The following DACH1 variants were observed in gnomAD, a reference collection of about 807,000 sequenced individuals.
The protein encoded by DACH1 is dachshund homolog 1.
DACH1 carries 12 observed loss-of-function variants against 54.2 expected under a neutral mutation model. The observed-to-expected ratio is 0.22, with a 90% confidence interval of 0.14 to 0.36. DACH1 has a LOEUF of 0.36. Ranked by LOEUF, DACH1 falls within the 10% of genes least tolerant of loss-of-function variation. The pLI, the probability that DACH1 is intolerant of heterozygous loss-of-function variation, is 1.00. For synonymous variants in DACH1, 386 were observed against 366.2 expected (o/e 1.05, Z -0.62); for missense variants, 805 against 929.8 (o/e 0.87, Z 1.75).
intron 2 of DACH1, among the ~76,000 whole-genome samples, chr13:71,671,675 A>C: frequency 6.6e-6 from 1 of 152,110 alleles, no homozygotes; most frequent in Admixed American, 6.5e-5. Flanking sequence ...AGGGAGAATA[A>C]GTTTTCAAAA....
intron 1 of DACH1, among the ~76,000 whole-genome samples, chr13:71,814,520 T>G (rs1349115298): frequency 6.6e-6 from 1 of 152,186 alleles, no homozygotes; most frequent in Non-Finnish European, 1.5e-5. Context: ...CCAAACAAGT[T>G]GCAGATAATT....
intron 1 of DACH1, among the ~76,000 whole-genome samples, chr13:71,756,012 G>A (rs1414191646): frequency 6.6e-6 from 1 of 151,840 alleles, no homozygotes; most frequent in Non-Finnish European, 1.5e-5. Context: ...AGACTAAAAT[G>A]CGTAAACTAA....
At chr13:71,519,043 T>C (rs1881372512) in intron 6 of DACH1, among the ~76,000 whole-genome samples, 1 of 151,738 alleles carries the variant, frequency 6.6e-6, no homozygotes, top group African/African-American at 2.4e-5. Flanking sequence ...GAGAGTCGAG[T>C]AGTTGAGTAG....
At chr13:71,573,948 T>G (rs1885378755) in intron 3 of DACH1, among the ~76,000 whole-genome samples, 1 of 152,176 alleles carries the variant, frequency 6.6e-6, no homozygotes, top group Admixed American at 6.5e-5. Context: ...TGAAATGACA[T>G]CCTAGCCATC....
intron 1 of DACH1, among the ~76,000 whole-genome samples, chr13:71,824,649 A>G (rs1302324884): frequency 6.6e-6 from 1 of 151,920 alleles, no homozygotes; most frequent in Non-Finnish European, 1.5e-5. Flanking sequence ...TCTCCACATC[A>G]TTTCTTCTGC....
chr13:71,866,090 T>G lies in DACH1; in HGVS notation c.680A>C (p.His227Pro), dbSNP rs781519532. Reference protein sequence around the residue: ...LFLKHLVGGLHTVYTKLKRLE... With the variant: ...LFLKHLVGGLPTVYTKLKRLE... ...CCGCTTCAGCTTGGTGTAGACCGTA[T>G]GCAAGCCCCCCACCAAGTGCTTCAG... The change falls in exon 1 of 11, where the codon CAT (histidine) becomes CCT (proline). Residue 227 changes from histidine to proline, a missense_variant. Physicochemically the swap from His to Pro is moderately conservative, Grantham distance 77 (BLOSUM62 -2). Transcript: ENST00000613252. The G allele has an allele frequency of 6.2e-7, 1 of 1,613,624 alleles. No individual in the cohort carries two copies. The highest frequency in any genetic ancestry group is 1.7e-5 in the Admixed American group (1 of 59,980).
At chr13:71,734,224 G>A (rs1393927055) in intron 1 of DACH1, among the ~76,000 whole-genome samples, 47 of 39,020 alleles carry the variant, frequency 1.2e-3, no homozygotes, top group African/African-American at 3.4e-3. Context: ...TCCCATATAC[G>A]TATACCCCAT....
At chr13:71,566,844 A>T (rs1376951183) in intron 4 of DACH1, among the ~76,000 whole-genome samples, 2 of 152,108 alleles carry the variant, frequency 1.3e-5, no homozygotes, top group Non-Finnish European at 2.9e-5. Context: ...TATGTCTAAA[A>T]GCTCTGCATA....
rs546827137 is a variant in DACH1 at position 71,685,644 on chromosome 13, T to C, written c.849-3734A>G. Reference sequence around the variant, plus strand: ...ATATTTTATCCTTATGCAATCCTGGTCATTAACTCCTAGGGGATTTGAATA... The same window carrying C: ...ATATTTTATCCTTATGCAATCCTGGCCATTAACTCCTAGGGGATTTGAATA... On this transcript the variant is annotated intron_variant, in intron 1 of 10. Transcript: ENST00000613252. Among the ~76,000 whole-genome samples, 8 of 152,330 alleles carry C rather than the reference T, an allele frequency of 5.3e-5. No individual in the cohort carries two copies. In the South Asian group the frequency reaches 1.0e-3, roughly 20 times the overall value.
At chr13:71,762,723 C>A (rs1024713817) in intron 1 of DACH1, among the ~76,000 whole-genome samples, 1 of 132,476 alleles carries the variant, frequency 7.5e-6, no homozygotes, top group African/African-American at 2.8e-5. Flanking sequence ...GCTGAGATTG[C>A]GCTGTTGCAC....
At chr13:71,799,749 C>T (rs1219499059) in intron 1 of DACH1, among the ~76,000 whole-genome samples, 2 of 151,984 alleles carry the variant, frequency 1.3e-5, no homozygotes, top group Admixed American at 6.6e-5. Flanking sequence ...CAAATGCATG[C>T]TTATGGCATA....
At chr13:71,480,081 C>A (rs1296759107) in intron 7 of DACH1, among the ~76,000 whole-genome samples, 2 of 152,132 alleles carry the variant, frequency 1.3e-5, no homozygotes, top group Non-Finnish European at 2.9e-5. Flanking sequence ...AAAATGTAAG[C>A]TCTCTGGGGC....
rs199950238 is a variant in DACH1 at position 71,524,305 on chromosome 13, A to AT, written c.1570+32718dup. ...TGATTGCTACATTATCATGTCAACA[A>AT]TTTTTTCTAGAGGAATTTGAGATAA... On this transcript the variant is annotated intron_variant, in intron 6 of 10. Transcript: ENST00000613252. Among the ~76,000 whole-genome samples, 416 of 152,266 alleles carry AT rather than the reference A, an allele frequency of 2.7e-3. 2 individuals are homozygous for AT. The highest frequency in any genetic ancestry group is 9.3e-3 in the African/African-American group (388 of 41,570).
At chr13:71,745,132 G>A (rs971479486) in intron 1 of DACH1, among the ~76,000 whole-genome samples, 2 of 152,066 alleles carry the variant, frequency 1.3e-5, no homozygotes, top group Non-Finnish European at 2.9e-5. Context: ...ATAAAGGGTT[G>A]TTTTCATTCC....
intron 1 of DACH1, among the ~76,000 whole-genome samples, chr13:71,789,544 A>G (rs1036137797): frequency 6.6e-6 from 1 of 151,990 alleles, no homozygotes; most frequent in South Asian, 2.1e-4. Flanking sequence ...TTAGGTATTT[A>G]TGTTGCCTTT....
intron 2 of DACH1, among the ~76,000 whole-genome samples, chr13:71,632,705 G>A (rs1486486449): frequency 2.0e-5 from 3 of 152,044 alleles, no homozygotes; most frequent in East Asian, 1.9e-4. Context: ...AAGAGGCCCT[G>A]ACAACTTTCA....
intron 1 of DACH1, among the ~76,000 whole-genome samples, chr13:71,746,932 A>G (rs1884624989): frequency 6.6e-6 from 1 of 152,178 alleles, no homozygotes; most frequent in African/African-American, 2.4e-5. Context: ...GATAGAGTAC[A>G]CATTTCTGTA....
At chr13:71,643,647 G>A (rs961001101) in intron 2 of DACH1, among the ~76,000 whole-genome samples, 20 of 151,970 alleles carry the variant, frequency 1.3e-4, no homozygotes, top group African/African-American at 4.3e-4. Context: ...GAGTTTAACC[G>A]AAAAATAGAA....
At chr13:71,579,890 T>C (rs1018317086) in intron 3 of DACH1, among the ~76,000 whole-genome samples, 2 of 151,690 alleles carry the variant, frequency 1.3e-5, no homozygotes, top group Admixed American at 6.6e-5. Context: ...CCAGGGAAAA[T>C]AGATCCACAC....
Sources: gnomAD v4.1 joint callset for allele counts (sites outside exome capture counted in the v4.1 genomes callset) on GRCh38, gnomAD v4.1.1 for gene constraint, MANE v1.5 for transcripts, NCBI Gene and HGNC (gene_info 2026-07-23, HGNC 2026-07-21) for gene names.